KIAA1671: variants seen among roughly 807,000 people sequenced by gnomAD.
KIAA1671 encodes uncharacterized protein KIAA1671.
In KIAA1671, 52 loss-of-function variants were observed where a neutral mutation model predicts 131.2. That is an observed-to-expected ratio of 0.40 (90% CI 0.32 to 0.50). The LOEUF (loss-of-function observed/expected upper bound fraction) is 0.50. Among genes scored for constraint, KIAA1671 ranks in the 20% least tolerant of loss-of-function variants. KIAA1671 has a pLI of 0.73. For synonymous variants in KIAA1671, 1,003 were observed against 961.6 expected (o/e 1.04, Z -0.80); for missense variants, 2,360 against 2,364.2 (o/e 1.00, Z 0.04).
chr22:24,971,788 C>T (rs1348370323), intron 1 of KIAA1671, among the ~76,000 whole-genome samples: 1 of 152,104 alleles, frequency 6.6e-6, no homozygotes, highest in Non-Finnish European at 1.5e-5. Flanking sequence ...GGGGGGTTAC[C>T]TGGGCTTCCC....
intron 6 of KIAA1671, among the ~76,000 whole-genome samples, chr22:25,137,273 C>CT (rs1460545811): frequency 5.3e-5 from 8 of 151,692 alleles, no homozygotes; most frequent in African/African-American, 1.2e-4. Flanking sequence ...GAAATTGTTA[C>CT]TTTTTTTTTC....
At chr22:24,993,146 A>T (rs1341487976) in intron 1 of KIAA1671, among the ~76,000 whole-genome samples, 1 of 152,068 alleles carries the variant, frequency 6.6e-6, no homozygotes, top group African/African-American at 2.4e-5. Flanking sequence ...GGATGCTGAC[A>T]TGTGAGATGC....
At chr22:25,161,784 A>C (rs772520493) in intron 6 of KIAA1671, among the ~76,000 whole-genome samples, 6 of 152,058 alleles carry the variant, frequency 3.9e-5, no homozygotes, top group African/African-American at 7.2e-5. Flanking sequence ...GGCCCAACTG[A>C]GACCACACCT....
intron 6 of KIAA1671, among the ~76,000 whole-genome samples, chr22:25,079,681 C>T (rs901538688): frequency 3.3e-5 from 5 of 152,156 alleles, no homozygotes; most frequent in African/African-American, 1.2e-4. Flanking sequence ...AGGGATGCCA[C>T]GGTGGCTGCA....
intron 6 of KIAA1671, among the ~76,000 whole-genome samples, chr22:25,121,233 C>T (rs905666178): frequency 1.2e-4 from 19 of 152,022 alleles, no homozygotes; most frequent in African/African-American, 9.7e-5. Context: ...GAGGCCGAGG[C>T]GGGCGGATCA....
At chr22:24,965,350 G>A (rs148523781) in intron 1 of KIAA1671, among the ~76,000 whole-genome samples, 1 of 151,830 alleles carries the variant, frequency 6.6e-6, no homozygotes, top group East Asian at 1.9e-4. Context: ...GGGAGGCTGA[G>A]GTTGCAGTGA....
intron 6 of KIAA1671, among the ~76,000 whole-genome samples, chr22:25,115,589 G>T (rs963720939): frequency 1.3e-5 from 2 of 152,068 alleles, no homozygotes; most frequent in Admixed American, 6.6e-5. Flanking sequence ...TTGCTTTTTG[G>T]GGGGCTCAGA....
At chr22:25,100,113 C>T (rs1299773130) in intron 6 of KIAA1671, among the ~76,000 whole-genome samples, 3 of 152,192 alleles carry the variant, frequency 2.0e-5, no homozygotes, top group East Asian at 1.9e-4. Context: ...TGGGGAATCA[C>T]GTCCCAGAGA....
At chr22:25,035,881 G>A (rs1027585971) in intron 4 of KIAA1671, among the ~76,000 whole-genome samples, 2 of 152,160 alleles carry the variant, frequency 1.3e-5, no homozygotes, top group African/African-American at 4.8e-5. Flanking sequence ...CTTTATGTGT[G>A]TGTGTATGTG....
At chr22:24,988,698 T>C (rs1176039134) in intron 1 of KIAA1671, among the ~76,000 whole-genome samples, 1 of 142,018 alleles carries the variant, frequency 7.0e-6, no homozygotes, top group Non-Finnish European at 1.5e-5. Flanking sequence ...ATGACACCAC[T>C]GCACTCCAGC....
intron 1 of KIAA1671, among the ~76,000 whole-genome samples, chr22:24,990,928 C>T (rs1201011691): frequency 1.3e-5 from 2 of 152,080 alleles, no homozygotes; most frequent in Non-Finnish European, 2.9e-5. Context: ...CCAAAGGCTT[C>T]TGCTTGACCA....
chr22:25,061,804 T>C (rs948503824), intron 6 of KIAA1671: 1 of 151,994 alleles, frequency 6.6e-6, no homozygotes, highest in African/African-American at 2.4e-5. Flanking sequence ...ACTGACTGAG[T>C]GGGGAGGGAG....
intron 6 of KIAA1671, among the ~76,000 whole-genome samples, chr22:25,157,400 T>G (rs1171589048): frequency 6.6e-6 from 1 of 152,220 alleles, no homozygotes; most frequent in East Asian, 1.9e-4. Context: ...CTTTACTCAC[T>G]AGACAGTGAA....
intron 1 of KIAA1671, among the ~76,000 whole-genome samples, chr22:24,963,242 T>C (rs1168168493): frequency 1.3e-5 from 2 of 151,442 alleles, no homozygotes; most frequent in African/African-American, 2.4e-5. Context: ...CGGACACCTG[T>C]AATTCCAGCT....
chr22:25,197,067 G>A lies in KIAA1671; in HGVS notation c.*4666G>A, dbSNP rs1407479636. On this transcript the variant is annotated 3_prime_UTR_variant, in exon 13 of 13. Transcript: ENST00000358431. ...TAGAAAAGGAGCTCGAGTTCTTTGT[G>A]TAGGAAAGTTAAGCTTCCTGCCTGC... The A allele has an allele frequency of 1.3e-5, 2 of 152,172 alleles. No individual in the cohort carries two copies. The highest frequency in any genetic ancestry group is 2.1e-4 in the South Asian group (1 of 4,830). The allele number at this position is 152,172 out of a possible 1,614,324, so 9.4% of individuals were successfully genotyped here.
intron 4 of KIAA1671, among the ~76,000 whole-genome samples, chr22:25,033,483 G>C (rs747758108): frequency 6.7e-6 from 1 of 149,732 alleles, no homozygotes; most frequent in African/African-American, 2.5e-5. Flanking sequence ...TTTAATAAGA[G>C]AAAACTCATA....
chr22:25,031,831 C>G (rs1926311290), intron 3 of KIAA1671, among the ~76,000 whole-genome samples: 1 of 152,210 alleles, frequency 6.6e-6, no homozygotes, highest in Non-Finnish European at 1.5e-5. Flanking sequence ...TGAGTTTAGA[C>G]AGAACTCCTC....
chr22:25,033,588 T>TG (rs1325641875), intron 4 of KIAA1671, among the ~76,000 whole-genome samples: 1 of 129,028 alleles, frequency 7.8e-6, no homozygotes, highest in African/African-American at 3.0e-5. Context: ...TTTTTTTTTT[T>TG]TTTTTTTTTT....
rs528364253 is a variant in KIAA1671 at position 24,956,848 on chromosome 22, G to T, written c.-208+4076G>T. On this transcript the variant is annotated intron_variant, in intron 1 of 12. Transcript: ENST00000358431. ...GATAGTGCCACTGCACTCCAGCCTG[G>T]GCGAGAGAGCGAGACTCTGTCTCAA... Among the ~76,000 whole-genome samples, 5 of 150,356 alleles carry T rather than the reference G, an allele frequency of 3.3e-5. No homozygotes were observed. In the South Asian group the frequency reaches 1.1e-3, roughly 32 times the overall value.
Sources: allele counts gnomAD v4.1 joint callset (sites outside exome capture counted in the v4.1 genomes callset), GRCh38; gene constraint gnomAD v4.1.1; transcripts MANE v1.5; gene names NCBI Gene and HGNC (gene_info 2026-07-23, HGNC 2026-07-21).